The following NDRG2 variants were observed in gnomAD, a reference collection of about 807,000 sequenced individuals.
NDRG2 encodes the protein NDRG family member 2.
In NDRG2, 34 loss-of-function variants were observed where a neutral mutation model predicts 58.2. That is an observed-to-expected ratio of 0.58 (90% CI 0.44 to 0.78). NDRG2 has a LOEUF of 0.78. Ranked by LOEUF, NDRG2 falls within the 30% of genes least tolerant of loss-of-function variation. The pLI is 0.00. For synonymous variants in NDRG2, 187 were observed against 175.9 expected (o/e 1.06, Z -0.50); for missense variants, 434 against 471.2 (o/e 0.92, Z 0.73).
chr14:21,068,808 C>T (rs183156241), intron 1 of NDRG2, among the ~76,000 whole-genome samples: 1 of 152,356 alleles, frequency 6.6e-6, no homozygotes, highest in East Asian at 1.9e-4. Context: ...GCAGAGGCCT[C>T]TTCTTGCCTC....
At chr14:21,032,961 A>G (rs1220067480) in intron 1 of NDRG2, 2 of 455,970 alleles carry the variant, frequency 4.4e-6, no homozygotes, top group Non-Finnish European at 8.8e-6. Context: ...TTAGAAATTT[A>G]TGTTCGATTA....
chr14:21,035,738 C>T (rs774323544), intron 1 of NDRG2: 2 of 455,788 alleles, frequency 4.4e-6, no homozygotes, highest in South Asian at 1.6e-5. Context: ...AACCACAGTC[C>T]AAAATGGAAT....
intron 1 of NDRG2, among the ~76,000 whole-genome samples, chr14:21,064,448 C>G (rs2139166517): frequency 6.6e-6 from 1 of 152,206 alleles, no homozygotes; most frequent in East Asian, 1.9e-4. Flanking sequence ...ATTACAGGTG[C>G]ACACTGCCAC....
At chr14:21,043,264 A>G in intron 1 of NDRG2, 1 of 1,614,226 alleles carries the variant, frequency 6.2e-7, no homozygotes, top group Non-Finnish European at 8.5e-7. Flanking sequence ...ATAGCCTGCA[A>G]GAATGGCGAT....
intron 1 of NDRG2, among the ~76,000 whole-genome samples, chr14:21,064,066 C>T (rs190918598): frequency 4.6e-4 from 70 of 152,318 alleles, no homozygotes; most frequent in African/African-American, 1.5e-3. Flanking sequence ...GACCCCTGCC[C>T]TCCACATATT....
chr14:21,062,256 A>G (rs1211303477), intron 1 of NDRG2, among the ~76,000 whole-genome samples: 1 of 152,246 alleles, frequency 6.6e-6, no homozygotes, highest in Non-Finnish European at 1.5e-5. Context: ...TTTCATCTGT[A>G]CTGCACAGTG....
Position 21,019,949 on chromosome 14 carries a change from C to G in NDRG2, c.583G>C (p.Glu195Gln), listed in dbSNP as rs1404125470. Residue 195 changes from glutamate (E) to glutamine (Q), a missense_variant, in exon 9 of 16, where the codon GAG becomes CAG. By Grantham distance (29) the Glu-to-Gln change is conservative. Coordinates refer to ENST00000556147, the MANE Select transcript of NDRG2 (RefSeq NM_001320329.2). The stretch of plus-strand genomic sequence containing the variant: ...CTGAAAAGATGTCCAAGGATCATCT[C>G]CGGAATGGAAGAGGTGAGGCCTGTT... ...KLTGLTSSIP[E>Q]MILGHLFSQE... The G allele has an allele frequency of 6.2e-7, 1 of 1,613,988 alleles. No individual in the cohort carries two copies. The highest frequency in any genetic ancestry group is 1.1e-5 in the South Asian group (1 of 91,066).
chr14:21,022,597 G>A lies in NDRG2; in HGVS notation c.118-100C>T, dbSNP rs555569536. On this transcript the variant is annotated intron_variant, in intron 3 of 15. Transcript: ENST00000556147. Reference sequence around the variant, plus strand: ...GAGCTGGGAGTGGGTGGGCAAGAGGGAAAAGGGAACAAAGAATTAAAAACA... The same window carrying A: ...GAGCTGGGAGTGGGTGGGCAAGAGGAAAAAGGGAACAAAGAATTAAAAACA... 2.4e-4 allele frequency: 203 copies of A among 839,960 alleles called. 2 individuals are homozygous for A. In the African/African-American group the frequency reaches 3.1e-3, roughly 13 times the overall value. 52.0% of individuals were successfully genotyped at this position (839,960 alleles called of 1,614,324 possible).
intron 1 of NDRG2, among the ~76,000 whole-genome samples, chr14:21,057,391 G>A (rs1280946540): frequency 1.3e-5 from 2 of 151,412 alleles, no homozygotes; most frequent in African/African-American, 2.4e-5. Flanking sequence ...AGCCAAGATC[G>A]CGCCATTGCA....
At chr14:21,030,161 G>A (rs1883961753), upstream of NDRG2, 1 of 159,126 alleles carries the variant, frequency 6.3e-6, no homozygotes, top group Non-Finnish European at 1.4e-5. Flanking sequence ...CAGAAGTGAT[G>A]TCACATAACC....
At chr14:21,040,350 T>A (rs780363032) in intron 1 of NDRG2, among the ~76,000 whole-genome samples, 1 of 152,112 alleles carries the variant, frequency 6.6e-6, no homozygotes, top group Non-Finnish European at 1.5e-5. Context: ...CCCACAGCTG[T>A]GCTGTCCAGC....
intron 1 of NDRG2, among the ~76,000 whole-genome samples, chr14:21,067,781 C>CAT (rs923612704): frequency 6.6e-6 from 1 of 151,712 alleles, no homozygotes; most frequent in African/African-American, 2.4e-5. Flanking sequence ...CACACACACA[C>CAT]ACACTTTTAG....
intron 1 of NDRG2, among the ~76,000 whole-genome samples, chr14:21,065,115 G>C (rs1886193942): frequency 6.6e-6 from 1 of 151,702 alleles, no homozygotes; most frequent in Non-Finnish European, 1.5e-5. Context: ...AGGTTGCAGT[G>C]AGTCGAGATT....
At chr14:21,053,669 T>C (rs1885561604) in intron 1 of NDRG2, among the ~76,000 whole-genome samples, 1 of 151,790 alleles carries the variant, frequency 6.6e-6, no homozygotes, top group Admixed American at 6.6e-5. Flanking sequence ...CCACACGTGG[T>C]GGTGCAGGCC....
chr14:21,024,565 A>G lies in NDRG2; in HGVS notation c.-542T>C. 1 of 985,450 alleles carries G rather than the reference A, an allele frequency of 1.0e-6. No homozygotes were observed. Among genetic ancestry groups the G allele is most frequent in the Non-Finnish European group, 1.2e-6 (1 of 829,952 alleles). The allele number at this position is 985,450 out of a possible 1,614,324, so 61.0% of individuals were successfully genotyped here. ...CCCTCCACAATTTAAAAACAAACAC[A>G]AAGATTGGTGCCGTCGCTTCTCTCC... is the stretch of plus-strand genomic sequence containing the variant. On this transcript the variant is annotated 5_prime_UTR_variant, in exon 1 of 16. Coordinates refer to ENST00000556147, the MANE Select transcript of NDRG2 (RefSeq NM_001320329.2).
Position 21,024,613 on chromosome 14 carries a change from C to T in NDRG2, c.-590G>A. 1 of 985,422 alleles carries T rather than the reference C, an allele frequency of 1.0e-6. No individual in the cohort carries two copies. The highest frequency in any genetic ancestry group is 4.7e-5 in the South Asian group (1 of 21,284). 61.0% of individuals were successfully genotyped at this position (985,422 alleles called of 1,614,324 possible). A position where few individuals can be genotyped will look rare whatever the true frequency, so the allele number is the denominator to read the frequency against. On this transcript the variant is annotated 5_prime_UTR_variant, in exon 1 of 16. Coordinates refer to ENST00000556147, the MANE Select transcript of NDRG2 (RefSeq NM_001320329.2). ...TCCTCTACTCAGTCTCCGTGTAGGT[C>T]CCACGAGTGGAGAAAGGGAGAGGAG...
At chr14:21,025,171 G>T, upstream of NDRG2, 1 of 916,566 alleles carries the variant, frequency 1.1e-6, no homozygotes, top group Non-Finnish European at 1.3e-6. The surrounding 1 kb of genome is among the most constrained non-coding windows in gnomAD (Gnocchi z 5.1). Context: ...CAGACCCCCA[G>T]TAAACACGCC....
upstream of NDRG2, chr14:21,025,747 G>C (rs1388178969): frequency 1.0e-6 from 1 of 983,282 alleles, no homozygotes; most frequent in African/African-American, 1.7e-5. This position sits in a 1 kb window ranked among gnomAD's most constrained non-coding sequence, Gnocchi z 5.1. Flanking sequence ...AACAAGGCGG[G>C]GAGGTGGGGG....
At position 21,018,342 on chromosome 14, in the gene NDRG2, TTTG is replaced by T. The variant is rs1878050112; in HGVS notation, c.862-106_862-104del. On this transcript the variant is annotated intron_variant, in intron 13 of 15. Transcript: ENST00000556147. ...TCCCTAGCTTCTTCACTCTAGCCCC[TTTG>T]TTTTGTTCTTCGTTCACCCCATTTG... The T allele has an allele frequency of 3.1e-6, 5 of 1,601,834 alleles. No individual in the cohort carries two copies. The East Asian group carries it at 1.1e-4, about 36-fold the overall frequency.
Sources: gnomAD v4.1 joint callset for allele counts (sites outside exome capture counted in the v4.1 genomes callset) on GRCh38, gnomAD v4.1.1 for gene constraint, Gnocchi (gnomAD v3.1) non-coding constraint, MANE v1.5 for transcripts, NCBI Gene and HGNC (gene_info 2026-07-23, HGNC 2026-07-21) for gene names.